DOCK10: variants seen among roughly 807,000 people sequenced by gnomAD.
DOCK10 encodes dedicator of cytokinesis 10.
A neutral mutation model predicts 280.1 loss-of-function variants in DOCK10; 145 were observed. That is an observed-to-expected ratio of 0.52 (90% CI 0.45 to 0.59). The LOEUF (loss-of-function observed/expected upper bound fraction) is 0.59. Among genes scored for constraint, DOCK10 ranks in the 20% least tolerant of loss-of-function variants. DOCK10 has a pLI of 0.00. For missense variants in DOCK10, 2,368 were observed against 2,651.7 expected (o/e 0.89, Z 2.35); for synonymous variants, 915 against 942.2 (o/e 0.97, Z 0.53).
Position 225,042,185 on chromosome 2 carries a change from A to G in DOCK10, c.123+67T>C. On this transcript the variant is annotated intron_variant, in intron 1 of 55. Coordinates refer to ENST00000258390, the MANE Select transcript of DOCK10 (RefSeq NM_014689.3). This position sits in a 1 kb window ranked among gnomAD's most constrained non-coding sequence, Gnocchi z 5.1. ...CCTGGGCCCGCCGAGCTTTTGGGGA[A>G]GCTGGGCTCCGTTCCCCCCGGGCGC... 3 of 1,215,534 alleles carry G rather than the reference A, an allele frequency of 2.5e-6. No individual in the cohort carries two copies. Among genetic ancestry groups the G allele is most frequent in the African/African-American group, 1.6e-5 (1 of 63,630 alleles). 75.3% of individuals were successfully genotyped at this position (1,215,534 alleles called of 1,614,324 possible). A position where few individuals can be genotyped will look rare whatever the true frequency, so the allele number is the denominator to read the frequency against.
intron 1 of DOCK10, among the ~76,000 whole-genome samples, chr2:225,009,205 T>C (rs1411628067): frequency 1.3e-5 from 2 of 152,306 alleles, no homozygotes; most frequent in East Asian, 1.9e-4. Context: ...GGTTAAAATT[T>C]TATGTCTTCA....
chr2:224,885,954 T>G (rs765586969), intron 6 of DOCK10, 109 bp downstream of exon 6: 12 of 1,505,786 alleles, frequency 8.0e-6, no homozygotes, highest in Non-Finnish European at 1.1e-5. Flanking sequence ...AAATAAAATA[T>G]TATATGAAAC....
intron 50 of DOCK10, among the ~76,000 whole-genome samples, chr2:224,782,288 G>C (rs1186370385): frequency 6.6e-6 from 1 of 152,072 alleles, no homozygotes; most frequent in Non-Finnish European, 1.5e-5. Flanking sequence ...CACCCATATA[G>C]GCATGACTGC....
At chr2:224,817,423 T>C (rs1694200441) in intron 29 of DOCK10, among the ~76,000 whole-genome samples, 1 of 152,212 alleles carries the variant, frequency 6.6e-6, no homozygotes, top group Non-Finnish European at 1.5e-5. Context: ...ATCATCATTA[T>C]ATTCACTAAT....
At chr2:225,018,838 C>T (rs1689701376) in intron 1 of DOCK10, among the ~76,000 whole-genome samples, 2 of 145,234 alleles carry the variant, frequency 1.4e-5, no homozygotes, top group South Asian at 4.3e-4. Context: ...TGTGTATATA[C>T]ATATGTATAT....
chr2:224,896,868 C>T (rs761121074), intron 3 of DOCK10, among the ~76,000 whole-genome samples: 1 of 152,166 alleles, frequency 6.6e-6, no homozygotes, highest in Non-Finnish European at 1.5e-5. Flanking sequence ...TTCAATTTCC[C>T]ATGGAAATCT....
intron 25 of DOCK10, among the ~76,000 whole-genome samples, chr2:224,834,512 C>A (rs577625440): frequency 6.6e-6 from 1 of 152,272 alleles, no homozygotes; most frequent in African/African-American, 2.4e-5. Flanking sequence ...AGCCAGAGAG[C>A]CATTTAGCAC....
intron 1 of DOCK10, among the ~76,000 whole-genome samples, chr2:224,987,343 T>C (rs1261207926): frequency 6.6e-6 from 1 of 152,182 alleles, no homozygotes; most frequent in Non-Finnish European, 1.5e-5. Flanking sequence ...CAGCCATTGC[T>C]CACAACAGGG....
intron 1 of DOCK10, among the ~76,000 whole-genome samples, chr2:225,039,714 G>C (rs964995066): frequency 6.9e-6 from 1 of 145,354 alleles, no homozygotes; most frequent in Non-Finnish European, 1.5e-5. Context: ...CTCTCTCTCT[G>C]TATACACACC....
chr2:224,820,844 G>T (rs1199838652), intron 28 of DOCK10, among the ~76,000 whole-genome samples: 2 of 152,152 alleles, frequency 1.3e-5, no homozygotes, highest in Non-Finnish European at 2.9e-5. Context: ...TTTCCAAATG[G>T]TTTTCAACAG....
chr2:225,024,807 C>T lies in DOCK10; in HGVS notation c.123+17445G>A, dbSNP rs142482859. ...TCAGGAGGCTGAGGCACAAGAATTG[C>T]TTTAACCAGGGAGGTGGAGGTTGCA... On this transcript the variant is annotated intron_variant, in intron 1 of 55. Transcript: ENST00000258390. Among the ~76,000 whole-genome samples the T allele has an allele frequency of 6.2e-3, 938 of 152,024 alleles. 11 individuals are homozygous for T. The highest frequency in any genetic ancestry group is 0.022 in the African/African-American group (908 of 41,454).
chr2:224,785,305 T>C (rs1691655317), intron 50 of DOCK10, among the ~76,000 whole-genome samples: 1 of 148,360 alleles, frequency 6.7e-6, no homozygotes, highest in Non-Finnish European at 1.5e-5. Flanking sequence ...TTTTTTTTGG[T>C]ATAGATTGTT....
intron 1 of DOCK10, among the ~76,000 whole-genome samples, chr2:225,015,948 A>T (rs1181128399): frequency 6.6e-6 from 1 of 152,222 alleles, no homozygotes; most frequent in Non-Finnish European, 1.5e-5. Context: ...ATCAGCTAAA[A>T]TAAGACCATT....
intron 1 of DOCK10, among the ~76,000 whole-genome samples, chr2:224,974,114 T>G (rs1254556190): frequency 1.3e-5 from 2 of 152,170 alleles, no homozygotes; most frequent in East Asian, 1.9e-4. Context: ...TCCATTTGTT[T>G]GAGCTCTGTG....
intron 1 of DOCK10, among the ~76,000 whole-genome samples, chr2:224,969,180 G>A (rs1704941865): frequency 3.9e-5 from 6 of 152,124 alleles, no homozygotes; most frequent in Admixed American, 3.9e-4. Flanking sequence ...CCTCTCAAAT[G>A]GGGGTACCAG....
chr2:225,025,006 G>T (rs1248878718), intron 1 of DOCK10, among the ~76,000 whole-genome samples: 3 of 152,222 alleles, frequency 2.0e-5, no homozygotes, highest in African/African-American at 7.2e-5. Flanking sequence ...AAAGGTATTG[G>T]TCATGTGTAT....
chr2:224,935,746 G>C (rs1187139530), intron 1 of DOCK10, among the ~76,000 whole-genome samples: 4 of 152,172 alleles, frequency 2.6e-5, no homozygotes, highest in Non-Finnish European at 5.9e-5. Flanking sequence ...ATGTTCACTA[G>C]TCAGGGATTT....
intron 3 of DOCK10, among the ~76,000 whole-genome samples, chr2:224,900,163 G>A (rs1700213786): frequency 6.6e-6 from 1 of 152,038 alleles, no homozygotes; most frequent in Non-Finnish European, 1.5e-5. Context: ...ACTCATGCAT[G>A]TTATGCATGA....
chr2:224,895,330 A>T (rs1699917393), intron 4 of DOCK10, among the ~76,000 whole-genome samples: 1 of 152,240 alleles, frequency 6.6e-6, no homozygotes, highest in African/African-American at 2.4e-5. Context: ...TCCAATGTGT[A>T]TCATATCAGT....
Sources: gnomAD v4.1 joint callset for allele counts (sites outside exome capture counted in the v4.1 genomes callset) on GRCh38, gnomAD v4.1.1 for gene constraint, Gnocchi (gnomAD v3.1) non-coding constraint, MANE v1.5 for transcripts, NCBI Gene and HGNC (gene_info 2026-07-23, HGNC 2026-07-21) for gene names.